Variants in OR4F15 observed in about 807,000 individuals in gnomAD.
OR4F15 encodes olfactory receptor 4F15.
Under a neutral mutation model 11.9 loss-of-function variants are expected in OR4F15, and 7 were observed. The ratio of observed to expected loss-of-function variants is 0.59; its 90% confidence interval spans 0.33 to 1.10. The LOEUF (loss-of-function observed/expected upper bound fraction) is 1.10, where lower values mean the gene tolerates loss of function less well. Ranked by LOEUF, OR4F15 falls within the 50% of genes least tolerant of loss-of-function variation. The pLI is 0.03. For synonymous variants in OR4F15, 151 were observed against 134.6 expected (o/e 1.12, Z -0.84); for missense variants, 445 against 377.5 (o/e 1.18, Z -1.48).
intron 1 of OR4F15, among the ~76,000 whole-genome samples, chr15:101,816,302 G>C (rs1405313701): frequency 1.3e-5 from 2 of 152,154 alleles, no homozygotes; most frequent in Admixed American, 1.3e-4. Flanking sequence ...AATGTCATGA[G>C]CCAAGCAAGG....
intron 1 of OR4F15, among the ~76,000 whole-genome samples, 157 bp downstream of exon 1, chr15:101,812,429 G>A (rs1418673456): frequency 6.6e-6 from 1 of 152,152 alleles, no homozygotes; most frequent in East Asian, 1.9e-4. Flanking sequence ...AGATCCAAAG[G>A]TGCAAAGGAG....
At chr15:101,815,409 TTA>T (rs58437904) in intron 1 of OR4F15, among the ~76,000 whole-genome samples, 3 of 150,388 alleles carry the variant, frequency 2.0e-5, no homozygotes, top group Admixed American at 6.6e-5. Context: ...CCCACCAGTT[TTA>T]TATATATATA....
chr15:101,814,862 T>G (rs1902963329), intron 1 of OR4F15, among the ~76,000 whole-genome samples: 1 of 152,184 alleles, frequency 6.6e-6, no homozygotes, highest in Admixed American at 6.5e-5. Flanking sequence ...TCCTTGTAAA[T>G]TCATTAAAAG....
At chr15:101,813,136 A>T (rs1318970421) in intron 1 of OR4F15, among the ~76,000 whole-genome samples, 1 of 152,208 alleles carries the variant, frequency 6.6e-6, no homozygotes, top group East Asian at 1.9e-4. Flanking sequence ...CAGGGGATGA[A>T]TTAAGTGGAT....
intron 1 of OR4F15, among the ~76,000 whole-genome samples, chr15:101,814,025 C>T (rs1407490213): frequency 6.6e-6 from 1 of 152,144 alleles, no homozygotes; most frequent in Non-Finnish European, 1.5e-5. Flanking sequence ...CCCAATGTGT[C>T]ATCCTGGAAG....
Position 101,819,873 on chromosome 15 carries a change from A to G in OR4F15, c.*748A>G, listed in dbSNP as rs1477092893. 1 of 152,132 alleles carries G rather than the reference A, an allele frequency of 6.6e-6. No individual in the cohort carries two copies. Among genetic ancestry groups the G allele is most frequent in the Non-Finnish European group, 1.5e-5 (1 of 68,048 alleles). 9.4% of individuals were successfully genotyped at this position (152,132 alleles called of 1,614,324 possible). A position where few individuals can be genotyped will look rare whatever the true frequency, so the allele number is the denominator to read the frequency against. On this transcript the variant is annotated 3_prime_UTR_variant, in exon 2 of 2. Coordinates refer to ENST00000332238, the MANE Select transcript of OR4F15 (RefSeq NM_001001674.2). ...TTTGTTCCTAAAGTGTTTGCTTTCT[A>G]TTGCTCCAGTCTCTACATATTTTTG...
intron 1 of OR4F15, among the ~76,000 whole-genome samples, chr15:101,815,746 AG>A (rs1319061835): frequency 6.6e-6 from 1 of 152,160 alleles, no homozygotes; most frequent in Non-Finnish European, 1.5e-5. Context: ...TGGGCACTGA[AG>A]ATATTTTTTG....
At position 101,818,691 on chromosome 15, in the gene OR4F15, T is replaced by G; in HGVS notation, c.505T>G (p.Cys169Gly). 1 of 1,614,196 alleles carries G rather than the reference T, an allele frequency of 6.2e-7. No homozygotes were observed. The highest frequency in any genetic ancestry group is 1.1e-5 in the South Asian group (1 of 91,082). The change falls in exon 2 of 2, where the codon TGT (cysteine) becomes GGT (glycine). Residue 169 changes from cysteine to glycine, a missense_variant. Cys to Gly is a radical substitution (Grantham distance 159). Coordinates refer to ENST00000332238, the MANE Select transcript of OR4F15 (RefSeq NM_001001674.2). ...QLVFVVDLPFCGPNIFDSFYC... is the reference protein window; with the variant it reads ...QLVFVVDLPFGGPNIFDSFYC... The stretch of plus-strand genomic sequence containing the variant: ...AGTTTTTGTGGTAGATTTACCTTTT[T>G]GTGGTCCTAATATCTTTGACAGTTT...
chr15:101,814,129 G>A (rs1480916398), intron 1 of OR4F15, among the ~76,000 whole-genome samples: 2 of 152,170 alleles, frequency 1.3e-5, no homozygotes, highest in African/African-American at 4.8e-5. Flanking sequence ...GCTGCCATTT[G>A]CTCTTTGTAT....
Position 101,818,059 on chromosome 15 carries a change from A to G in OR4F15, c.-37-91A>G, listed in dbSNP as rs114894784. The G allele has an allele frequency of 1.9e-3, 1,311 of 691,108 alleles. 11 individuals are homozygous for G. The African/African-American group carries it at 0.02, about 10-fold the overall frequency. The allele number at this position is 691,108 out of a possible 1,614,324, so 42.8% of individuals were successfully genotyped here. A position where few individuals can be genotyped will look rare whatever the true frequency, so the allele number is the denominator to read the frequency against. ...GGTTATTTGGCTGTGTAAGATGTTA[A>G]TATGATAGTTATTTTCATGGCTGGA... On this transcript the variant is annotated intron_variant, in intron 1 of 1. Transcript: ENST00000332238.
At chr15:101,816,265 T>C (rs913015134) in intron 1 of OR4F15, among the ~76,000 whole-genome samples, 10 of 151,976 alleles carry the variant, frequency 6.6e-5, no homozygotes, top group African/African-American at 2.4e-4. Flanking sequence ...GAAGTTGAGG[T>C]TGGAGTGATG....
rs35269954 is a variant in OR4F15, at chr15:101,816,487, CGTGT to C, written c.-37-1643_-37-1640del. Among the ~76,000 whole-genome samples the C allele has an allele frequency of 2.8e-3, 412 of 148,930 alleles. 7 individuals carry two copies. Among genetic ancestry groups the C allele is most frequent in the African/African-American group, 2.2e-3 (88 of 40,664 alleles). On this transcript the variant is annotated intron_variant, in intron 1 of 1. Coordinates refer to ENST00000332238, the MANE Select transcript of OR4F15 (RefSeq NM_001001674.2). ...TTACTTTAGAACAGTAAGAATATAA[CGTGT>C]GTGTGTGTGTGTGTGTGTGGTAAGC... is the stretch of plus-strand genomic sequence containing the variant.
At chr15:101,816,708 T>A (rs1000000104) in intron 1 of OR4F15, among the ~76,000 whole-genome samples, 6 of 152,200 alleles carry the variant, frequency 3.9e-5, no homozygotes, top group African/African-American at 1.2e-4. Flanking sequence ...AACATAAATG[T>A]TGGACTAAAT....
chr15:101,815,460 A>G (rs1438471913), intron 1 of OR4F15, among the ~76,000 whole-genome samples: 1 of 152,166 alleles, frequency 6.6e-6, no homozygotes, highest in African/African-American at 2.4e-5. Context: ...TATTGGATAA[A>G]ACCCACTGGA....
In OR4F15 at chr15:101,818,816, C is replaced by G; in HGVS notation, c.630C>G (p.Ser210=). 1 of 1,614,112 alleles carries G rather than the reference C, an allele frequency of 6.2e-7. No homozygotes were observed. Among genetic ancestry groups the G allele is most frequent in the Non-Finnish European group, 8.5e-7 (1 of 1,180,012 alleles). ...ATAGTGGACTCATTTCTGTGGGCTCCTTTGTCTTGCTGGTAATTTCCTACA... is the reference window on the plus strand; with the variant it reads ...ATAGTGGACTCATTTCTGTGGGCTCGTTTGTCTTGCTGGTAATTTCCTACA... ...TVNSGLISVG[S]FVLLVISYIF... is the part of the protein sequence containing the mutation. Residue 210 remains serine, a synonymous_variant, in exon 2 of 2, where the codon TCC becomes TCG. Coordinates refer to ENST00000332238, the MANE Select transcript of OR4F15 (RefSeq NM_001001674.2).
chr15:101,812,428 G>A (rs1298589014), intron 1 of OR4F15, among the ~76,000 whole-genome samples, 156 bp downstream of exon 1: 2 of 152,258 alleles, frequency 1.3e-5, no homozygotes, highest in South Asian at 2.1e-4. Context: ...GAGATCCAAA[G>A]GTGCAAAGGA....
chr15:101,816,509 T>G (rs1319024252), intron 1 of OR4F15, among the ~76,000 whole-genome samples: 1 of 152,018 alleles, frequency 6.6e-6, no homozygotes, highest in Non-Finnish European at 1.5e-5. Flanking sequence ...TGTGTGTGTG[T>G]GGTAAGCCAC....
intron 1 of OR4F15, among the ~76,000 whole-genome samples, chr15:101,817,341 C>T (rs933124795): frequency 3.9e-5 from 6 of 152,124 alleles, no homozygotes; most frequent in African/African-American, 1.4e-4. Flanking sequence ...CTCTTGACTC[C>T]AGTGTCATTC....
At chr15:101,816,605 G>A (rs60592360) in intron 1 of OR4F15, among the ~76,000 whole-genome samples, 39,683 of 151,922 alleles carry the variant, frequency 0.26, 5,933 homozygotes, top group African/African-American at 0.4. Flanking sequence ...GGAGTAAAAA[G>A]TTCTTGGTCC....
Sources: gnomAD v4.1 joint callset for allele counts (sites outside exome capture counted in the v4.1 genomes callset) on GRCh38, gnomAD v4.1.1 for gene constraint, MANE v1.5 for transcripts, NCBI Gene and HGNC (gene_info 2026-07-23, HGNC 2026-07-21) for gene names.